The following TMEM178B variants were observed in gnomAD, a reference collection of about 807,000 sequenced individuals.
TMEM178B encodes transmembrane protein 178B.
TMEM178B carries 5 observed loss-of-function variants against 31.0 expected under a neutral mutation model. That is an observed-to-expected ratio of 0.16 (90% CI 0.08 to 0.34). The LOEUF (loss-of-function observed/expected upper bound fraction) is 0.34. Ranked by LOEUF, TMEM178B falls within the 10% of genes least tolerant of loss-of-function variation. The pLI is 1.00. For missense variants in TMEM178B, 275 were observed against 400.3 expected, an observed-to-expected ratio of 0.69 and a Z score of 2.67; for synonymous variants, 164 against 164.0, an observed-to-expected ratio of 1.00 and a Z score of 0.00.
intron 2 of TMEM178B, among the ~76,000 whole-genome samples, chr7:141,412,215 C>T (rs548107115): frequency 1.3e-5 from 2 of 152,242 alleles, no homozygotes; most frequent in East Asian, 3.9e-4. Context: ...ATGGAGAGTC[C>T]TTAGAACAGT....
At chr7:141,182,121 T>C (rs1796539321) in intron 1 of TMEM178B, among the ~76,000 whole-genome samples, 1 of 152,132 alleles carries the variant, frequency 6.6e-6, no homozygotes. Context: ...TATGAGAATA[T>C]GACACAGAGA....
intron 2 of TMEM178B, among the ~76,000 whole-genome samples, chr7:141,257,084 T>C (rs1797940043): frequency 6.6e-6 from 1 of 152,066 alleles, no homozygotes; most frequent in Non-Finnish European, 1.5e-5. Flanking sequence ...GTCATGGAAA[T>C]TGGAAGGATC....
intron 2 of TMEM178B, chr7:141,415,077 C>T (rs1221221897): frequency 6.6e-6 from 1 of 152,216 alleles, no homozygotes; most frequent in African/African-American, 2.4e-5. Context: ...GCCCAGTTGG[C>T]TATGGCACTG....
the TMEM178B span, among the ~76,000 whole-genome samples, chr7:141,487,817 G>C: frequency 6.0e-5 from 9 of 149,710 alleles, no homozygotes; most frequent in African/African-American, 2.2e-4. Context: ...ATCTCTGCTT[G>C]AGAAGAAAAA....
intron 1 of TMEM178B, among the ~76,000 whole-genome samples, chr7:141,125,399 G>A (rs987932448): frequency 2.6e-5 from 4 of 151,964 alleles, no homozygotes; most frequent in African/African-American, 4.8e-5. Flanking sequence ...AGTGAAGCCC[G>A]GCGCCGGATG....
chr7:141,078,348 T>C (rs1440885581), intron 1 of TMEM178B, among the ~76,000 whole-genome samples: 1 of 152,244 alleles, frequency 6.6e-6, no homozygotes, highest in Non-Finnish European at 1.5e-5. Context: ...AACTTTTTAT[T>C]ATTTGAAAAT....
intron 2 of TMEM178B, among the ~76,000 whole-genome samples, chr7:141,252,599 C>T (rs1312732963): frequency 6.6e-6 from 1 of 152,160 alleles, no homozygotes; most frequent in Non-Finnish European, 1.5e-5. Flanking sequence ...ATCAGTGTTA[C>T]ATAGTTTGAA....
intron 2 of TMEM178B, among the ~76,000 whole-genome samples, chr7:141,338,265 C>G (rs752610714): frequency 6.6e-6 from 1 of 152,142 alleles, no homozygotes; most frequent in Non-Finnish European, 1.5e-5. Flanking sequence ...ATTAATAAGT[C>G]TATTTTGTTT....
intron 1 of TMEM178B, among the ~76,000 whole-genome samples, chr7:141,170,470 G>A (rs1796330498): frequency 6.6e-6 from 1 of 152,106 alleles, no homozygotes; most frequent in Admixed American, 6.5e-5. Context: ...CTTAATCTGA[G>A]TATGCCTCAT....
At chr7:141,268,406 T>C (rs1798127316) in intron 2 of TMEM178B, among the ~76,000 whole-genome samples, 1 of 152,210 alleles carries the variant, frequency 6.6e-6, no homozygotes, top group Non-Finnish European at 1.5e-5. Flanking sequence ...GTTGAGACAA[T>C]GTTAAAGATG....
chr7:141,223,504 C>T (rs1432560706), intron 2 of TMEM178B, among the ~76,000 whole-genome samples: 22 of 127,578 alleles, frequency 1.7e-4, no homozygotes, highest in African/African-American at 2.7e-4. Flanking sequence ...TTTGTATTTC[C>T]CTGATATCTA....
intron 2 of TMEM178B, among the ~76,000 whole-genome samples, chr7:141,399,521 TGGA>T (rs1483336758): frequency 1.3e-5 from 2 of 152,222 alleles, no homozygotes; most frequent in African/African-American, 4.8e-5. Context: ...GCCCATTCTT[TGGA>T]GTCTATGGTA....
chr7:141,344,581 TTCC>T lies in TMEM178B; in HGVS notation c.497-93025_497-93023del. 8.4e-5 allele frequency among the ~76,000 whole-genome samples: 7 copies of T among 83,506 alleles called. No homozygotes were observed. The highest frequency in any genetic ancestry group is 4.3e-4 in the African/African-American group (7 of 16,294). 54.8% of individuals were successfully genotyped at this position (83,506 alleles called of 152,430 possible). ...CCTCCATTCCTCCCTCCTCCCTTCC[TTCC>T]TTCCTTCCTTCCTTCCTTCCTTCCT... On this transcript the variant is annotated intron_variant, in intron 2 of 3. Transcript: ENST00000565468. The surrounding 1 kb of genome is among the most constrained non-coding windows in gnomAD (Gnocchi z 4.1).
Position 141,074,123 on chromosome 7 carries a change from G to T in TMEM178B, c.-188G>T. ...GCCTCTCCGGATCAGAACTTTTTAGGCCGCCCGCCCCCATCCCCGCAGTCC... is the reference window on the plus strand; with the variant it reads ...GCCTCTCCGGATCAGAACTTTTTAGTCCGCCCGCCCCCATCCCCGCAGTCC... On this transcript the variant is annotated 5_prime_UTR_variant, in exon 1 of 4. Transcript: ENST00000565468. This position sits in a 1 kb window ranked among gnomAD's most constrained non-coding sequence, Gnocchi z 5.1. 1.2e-6 allele frequency: 1 copy of T among 824,530 alleles called. No individual in the cohort carries two copies. Among genetic ancestry groups the T allele is most frequent in the Non-Finnish European group, 1.7e-6 (1 of 587,240 alleles). The allele number at this position is 824,530 out of a possible 1,614,324, so 51.1% of individuals were successfully genotyped here. A position where few individuals can be genotyped will look rare whatever the true frequency, so the allele number is the denominator to read the frequency against.
At chr7:141,188,893 T>C (rs1796653926) in intron 1 of TMEM178B, among the ~76,000 whole-genome samples, 1 of 152,248 alleles carries the variant, frequency 6.6e-6, no homozygotes, top group Non-Finnish European at 1.5e-5. Flanking sequence ...GCCAGCGTTA[T>C]TCATTGGTAA....
At chr7:141,487,858 A>T in the TMEM178B span, among the ~76,000 whole-genome samples, 1 of 151,850 alleles carries the variant, frequency 6.6e-6, no homozygotes, top group East Asian at 1.9e-4. Context: ...AAAAATATAA[A>T]CGTTCAATTA....
rs1161775742 is a variant in TMEM178B, at chr7:141,477,193, T to G, written c.*6407T>G. The G allele has an allele frequency of 6.5e-6, 1 of 154,876 alleles. No individual in the cohort carries two copies. Among genetic ancestry groups the G allele is most frequent in the Non-Finnish European group, 1.5e-5 (1 of 68,250 alleles). 9.6% of individuals were successfully genotyped at this position (154,876 alleles called of 1,614,324 possible). ...TTTCCTGTGAAGAGCTTTCATGAAC[T>G]CATTCTCATACTCCTTCCCCATTTC... is the stretch of plus-strand genomic sequence containing the variant. On this transcript the variant is annotated 3_prime_UTR_variant, in exon 4 of 4. Coordinates refer to ENST00000565468, the MANE Select transcript of TMEM178B (RefSeq NM_001195278.2).
chr7:141,438,454 G>T (rs1269952135), intron 3 of TMEM178B, among the ~76,000 whole-genome samples: 2 of 151,794 alleles, frequency 1.3e-5, no homozygotes, highest in African/African-American at 4.8e-5. Flanking sequence ...CTCCTGGTTT[G>T]AGTTTCAGTC....
At chr7:141,137,660 C>G (rs1365856162) in intron 1 of TMEM178B, among the ~76,000 whole-genome samples, 3 of 151,980 alleles carry the variant, frequency 2.0e-5, no homozygotes, top group African/African-American at 7.3e-5. Context: ...TTCAAAATAG[C>G]TAGAAGAGAA....
Sources: gnomAD v4.1 joint callset for allele counts (sites outside exome capture counted in the v4.1 genomes callset) on GRCh38, gnomAD v4.1.1 for gene constraint, Gnocchi (gnomAD v3.1) non-coding constraint, MANE v1.5 for transcripts, NCBI Gene and HGNC (gene_info 2026-07-23, HGNC 2026-07-21) for gene names.